The following CTNNA3 variants were observed in gnomAD, a reference collection of about 807,000 sequenced individuals.
CTNNA3 encodes catenin alpha-3.
CTNNA3 carries 76 observed loss-of-function variants against 95.7 expected under a neutral mutation model. The ratio of observed to expected loss-of-function variants is 0.79; its 90% CI spans 0.66 to 0.96. The LOEUF (loss-of-function observed/expected upper bound fraction) is 0.96. Ranked by LOEUF, CTNNA3 falls within the 40% of genes least tolerant of loss-of-function variation. The probability of loss-of-function intolerance (pLI) is 0.00; values close to 1 mark genes in which losing one functional copy is unlikely to be tolerated. For missense variants in CTNNA3, 1,191 were observed against 1,089.8 expected, an observed-to-expected ratio of 1.09 and a Z score of -1.31; for synonymous variants, 431 against 374.4, an observed-to-expected ratio of 1.15 and a Z score of -1.74.
chr10:67,237,123 T>TAC (rs1865509511), intron 5 of CTNNA3, among the ~76,000 whole-genome samples: 1 of 3,952 alleles, frequency 2.5e-4, no homozygotes, highest in Admixed American at 2.0e-3. Flanking sequence ...AACTATGGTG[T>TAC]ATGTATATAT....
intron 7 of CTNNA3, among the ~76,000 whole-genome samples, chr10:66,898,407 T>C (rs76382393): frequency 0.019 from 2,823 of 152,276 alleles, 83 homozygotes; most frequent in African/African-American, 0.064. Flanking sequence ...AGAACAAAGA[T>C]TGAGGCATCA....
chr10:66,248,372 G>C (rs1480198819), intron 13 of CTNNA3, among the ~76,000 whole-genome samples: 1 of 147,976 alleles, frequency 6.8e-6, no homozygotes, highest in African/African-American at 2.5e-5. Flanking sequence ...AAAAAAAATA[G>C]CAGGAGTAAG....
intron 9 of CTNNA3, among the ~76,000 whole-genome samples, chr10:66,739,100 A>T (rs1036459455): frequency 6.6e-6 from 1 of 152,162 alleles, no homozygotes; most frequent in African/African-American, 2.4e-5. Flanking sequence ...AGAGATTATA[A>T]ATCTCTGAAC....
At chr10:66,293,407 G>A (rs942313501) in intron 12 of CTNNA3, among the ~76,000 whole-genome samples, 6 of 150,236 alleles carry the variant, frequency 4.0e-5, no homozygotes, top group African/African-American at 1.2e-4. Context: ...AGTTGAGATT[G>A]TAATATCTAT....
chr10:66,817,167 A>G (rs1159484285), intron 7 of CTNNA3, among the ~76,000 whole-genome samples: 1 of 152,000 alleles, frequency 6.6e-6, no homozygotes, highest in Non-Finnish European at 1.5e-5. Flanking sequence ...ATCACCACGA[A>G]AGAACTTATT....
At chr10:66,661,139 A>G (rs1318585088) in intron 9 of CTNNA3, among the ~76,000 whole-genome samples, 1 of 98,734 alleles carries the variant, frequency 1.0e-5, no homozygotes, top group Admixed American at 1.0e-4. Flanking sequence ...TAGACCATTC[A>G]TATCACTATT....
At chr10:67,633,340 A>G (rs550521742) in intron 2 of CTNNA3, among the ~76,000 whole-genome samples, 2 of 152,310 alleles carry the variant, frequency 1.3e-5, no homozygotes, top group South Asian at 4.1e-4. Flanking sequence ...GTCCAGATGA[A>G]GAAGGATCCC....
intron 5 of CTNNA3, among the ~76,000 whole-genome samples, chr10:67,282,750 C>G (rs1183247207): frequency 1.3e-5 from 2 of 152,174 alleles, no homozygotes; most frequent in African/African-American, 4.8e-5. Context: ...TGACTACTGA[C>G]TTTCAAGATT....
intron 7 of CTNNA3, among the ~76,000 whole-genome samples, chr10:67,060,164 T>C (rs1219766322): frequency 6.6e-6 from 1 of 151,740 alleles, no homozygotes; most frequent in Non-Finnish European, 1.5e-5. Context: ...AAAAAATACA[T>C]AAAATTAGCT....
At chr10:66,754,184 T>A (rs1264672975) in intron 9 of CTNNA3, among the ~76,000 whole-genome samples, 1 of 152,190 alleles carries the variant, frequency 6.6e-6, no homozygotes, top group African/African-American at 2.4e-5. Context: ...AAGGTTGACA[T>A]ATAGATCAGT....
intron 9 of CTNNA3, among the ~76,000 whole-genome samples, chr10:66,644,443 TC>T (rs200052060): frequency 0.011 from 1,610 of 142,132 alleles, 30 homozygotes; most frequent in African/African-American, 0.039. Context: ...AACCCCCAGA[TC>T]CCCCCCAAAT....
intron 14 of CTNNA3, among the ~76,000 whole-genome samples, chr10:66,096,378 T>A (rs2081385794): frequency 6.6e-6 from 1 of 152,122 alleles, no homozygotes; most frequent in African/African-American, 2.4e-5. Flanking sequence ...AAGAGGTAAT[T>A]ATAAATGACT....
chr10:66,712,249 G>A (rs930506308), intron 9 of CTNNA3, among the ~76,000 whole-genome samples: 3 of 151,932 alleles, frequency 2.0e-5, no homozygotes, highest in African/African-American at 7.3e-5. Flanking sequence ...ATAAAGACAG[G>A]GAATATCCAA....
At chr10:66,276,961 T>C (rs1034330116) in intron 13 of CTNNA3, among the ~76,000 whole-genome samples, 3 of 152,106 alleles carry the variant, frequency 2.0e-5, no homozygotes, top group Non-Finnish European at 2.9e-5. Flanking sequence ...TTTTAACCAT[T>C]ATATTATGCA....
intron 11 of CTNNA3, among the ~76,000 whole-genome samples, chr10:66,465,867 T>C (rs185343834): frequency 2.0e-4 from 30 of 152,256 alleles, no homozygotes; most frequent in Admixed American, 8.5e-4. Context: ...AGAAATCATA[T>C]AGTTTCACCC....
At chr10:67,364,328 T>C (rs1437608608) in intron 5 of CTNNA3, among the ~76,000 whole-genome samples, 1 of 151,870 alleles carries the variant, frequency 6.6e-6, no homozygotes, top group Non-Finnish European at 1.5e-5. Context: ...ATGTATCTCA[T>C]AATAAGAGCT....
At chr10:66,262,894 G>C (rs897526238) in intron 13 of CTNNA3, among the ~76,000 whole-genome samples, 2 of 151,794 alleles carry the variant, frequency 1.3e-5, no homozygotes, top group Admixed American at 6.6e-5. Flanking sequence ...TGGACTTAAA[G>C]TTATAAACAG....
intron 11 of CTNNA3, among the ~76,000 whole-genome samples, chr10:66,420,795 T>C (rs535566741): frequency 2.7e-5 from 3 of 110,244 alleles, no homozygotes; most frequent in East Asian, 1.1e-3. Context: ...CAAGACTCTG[T>C]CTCAAATAAA....
chr10:67,107,789 G>A (rs1858725501), intron 7 of CTNNA3, among the ~76,000 whole-genome samples: 2 of 151,980 alleles, frequency 1.3e-5, no homozygotes, highest in South Asian at 4.1e-4. Flanking sequence ...TGCACACTGG[G>A]AAGGTGCACT....
Sources: gnomAD v4.1 joint callset for allele counts (sites outside exome capture counted in the v4.1 genomes callset) on GRCh38, gnomAD v4.1.1 for gene constraint, MANE v1.5 for transcripts, NCBI Gene and HGNC (gene_info 2026-07-23, HGNC 2026-07-21) for gene names.